Variants in NHLRC2 observed in about 807,000 individuals in gnomAD.
The protein encoded by NHLRC2 is NHL repeat-containing protein 2.
In NHLRC2, 33 loss-of-function variants were observed where a neutral mutation model predicts 68.1. That is an observed-to-expected ratio of 0.48 (90% CI 0.37 to 0.65). NHLRC2 has a LOEUF of 0.65. NHLRC2 is among the 30% of genes least tolerant of loss of function. NHLRC2 has a pLI of 0.00. For synonymous variants in NHLRC2, 311 were observed against 309.6 expected (o/e 1.00, Z -0.05); for missense variants, 761 against 853.8 (o/e 0.89, Z 1.35).
In NHLRC2 at chr10:113,906,982, G is replaced by A. The variant is rs552860332; in HGVS notation, c.1925-1298G>A. On this transcript the variant is annotated intron_variant, in intron 10 of 10. Coordinates refer to ENST00000369301, the MANE Select transcript of NHLRC2 (RefSeq NM_198514.4). ...AGCCTGGGTGACAGAGCGAGACTCC[G>A]TCTCAAAAAATAATAAATAAAATAT... 4.9e-4 allele frequency among the ~76,000 whole-genome samples: 74 copies of A among 152,232 alleles called. 1 individual carries two copies. The highest frequency in any genetic ancestry group is 2.1e-4 in the South Asian group (1 of 4,826).
intron 2 of NHLRC2, among the ~76,000 whole-genome samples, chr10:113,873,919 T>A (rs1051816489): frequency 6.6e-6 from 1 of 152,200 alleles, no homozygotes; most frequent in Admixed American, 6.5e-5. Context: ...TCTTTCTGAT[T>A]CACATTTTCT....
chr10:113,878,754 C>G (rs1176961040), intron 3 of NHLRC2, among the ~76,000 whole-genome samples: 3 of 152,128 alleles, frequency 2.0e-5, no homozygotes, highest in Non-Finnish European at 4.4e-5. Flanking sequence ...GTCTTGAACC[C>G]TTGACCTCAA....
intron 6 of NHLRC2, among the ~76,000 whole-genome samples, chr10:113,898,549 C>T (rs563563470): frequency 1.3e-5 from 2 of 152,314 alleles, no homozygotes; most frequent in South Asian, 2.1e-4. Context: ...CTTCTACTTA[C>T]ATTTTATCAG....
chr10:113,880,513 G>A (rs1301234932), intron 4 of NHLRC2, among the ~76,000 whole-genome samples: 7 of 151,798 alleles, frequency 4.6e-5, no homozygotes, highest in African/African-American at 1.7e-4. Context: ...AAGTAACCAA[G>A]TTCATCATAC....
At chr10:113,904,701 C>T (rs74877412) in intron 9 of NHLRC2, 116 bp from the exon 10 acceptor site, 196 of 722,084 alleles carry the variant, frequency 2.7e-4, no homozygotes, top group African/African-American at 2.5e-3. Flanking sequence ...ACTAGAATGG[C>T]GATTAGTTTC....
chr10:113,865,316 C>T (rs1000616707), intron 2 of NHLRC2, among the ~76,000 whole-genome samples: 6 of 131,440 alleles, frequency 4.6e-5, no homozygotes, highest in African/African-American at 1.7e-4. Flanking sequence ...TATAATAGAG[C>T]TGGTTTATTA....
intron 2 of NHLRC2, among the ~76,000 whole-genome samples, chr10:113,866,878 A>G (rs1204314582): frequency 6.6e-6 from 1 of 151,918 alleles, no homozygotes; most frequent in East Asian, 1.9e-4. Flanking sequence ...GAAAAGATGC[A>G]TGGGGCTGAG....
At chr10:113,864,768 G>C (rs1341799695) in intron 2 of NHLRC2, among the ~76,000 whole-genome samples, 1 of 151,640 alleles carries the variant, frequency 6.6e-6, no homozygotes, top group Non-Finnish European at 1.5e-5. Flanking sequence ...ACCTTACAAG[G>C]TCAGAATTGT....
intron 5 of NHLRC2, among the ~76,000 whole-genome samples, chr10:113,895,471 G>T (rs1195697010): frequency 6.6e-6 from 1 of 152,156 alleles, no homozygotes; most frequent in East Asian, 1.9e-4. Flanking sequence ...AATGATGGGT[G>T]TGTGGTATTA....
Position 113,867,215 on chromosome 10 carries a change from A to T in NHLRC2, c.331+8535A>T, listed in dbSNP as rs189926664. ...CCCGAAATCTAAGCTCCCAGAAGCC[A>T]GGCAAGAGCCAATCTTGTTTGCACA... On this transcript the variant is annotated intron_variant, in intron 2 of 10. Coordinates refer to ENST00000369301, the MANE Select transcript of NHLRC2 (RefSeq NM_198514.4). Among the ~76,000 whole-genome samples the T allele has an allele frequency of 5.9e-5, 9 of 152,404 alleles. No homozygotes were observed. In the East Asian group the frequency reaches 1.7e-3, roughly 29 times the overall value.
intron 2 of NHLRC2, among the ~76,000 whole-genome samples, chr10:113,863,737 G>GA (rs1845837152): frequency 6.6e-6 from 1 of 151,952 alleles, no homozygotes; most frequent in Admixed American, 6.6e-5. Context: ...GCTAGACTAA[G>GA]AAAAAAGAAG....
intron 5 of NHLRC2, among the ~76,000 whole-genome samples, chr10:113,886,965 C>T (rs1294087257): frequency 6.6e-6 from 1 of 152,108 alleles, no homozygotes; most frequent in Admixed American, 6.6e-5. Flanking sequence ...TATCTGCAAA[C>T]CATATAACCA....
chr10:113,874,515 AGTTT>A (rs1036455237), intron 2 of NHLRC2, among the ~76,000 whole-genome samples: 23 of 140,138 alleles, frequency 1.6e-4, no homozygotes, highest in Admixed American at 8.0e-4. Flanking sequence ...GATTTTCAGC[AGTTT>A]GTTTATGATG....
Position 113,910,904 on chromosome 10 carries a change from A to G in NHLRC2, c.*2368A>G, listed in dbSNP as rs1846322552. ...TAAAAGTATTATTTATAGTAGACTAATATGATTTTGAATAAAATCACACTT... is the reference window on the plus strand; with the variant it reads ...TAAAAGTATTATTTATAGTAGACTAGTATGATTTTGAATAAAATCACACTT... On this transcript the variant is annotated 3_prime_UTR_variant, in exon 11 of 11. Transcript: ENST00000369301. 2 of 150,204 alleles carry G rather than the reference A, an allele frequency of 1.3e-5. No individual in the cohort carries two copies. Among genetic ancestry groups the G allele is most frequent in the South Asian group, 4.1e-4 (2 of 4,830 alleles). The allele number at this position is 150,204 out of a possible 1,614,324, so 9.3% of individuals were successfully genotyped here.
At chr10:113,904,558 C>T (rs1423094141) in intron 9 of NHLRC2, among the ~76,000 whole-genome samples, 1 of 151,988 alleles carries the variant, frequency 6.6e-6, no homozygotes, top group Non-Finnish European at 1.5e-5. Context: ...AATTTCCTGC[C>T]GTCTATATAC....
At chr10:113,906,059 G>A (rs1564859870) in intron 10 of NHLRC2, among the ~76,000 whole-genome samples, 1 of 152,198 alleles carries the variant, frequency 6.6e-6, no homozygotes, top group Non-Finnish European at 1.5e-5. Context: ...TTCAGAGCAA[G>A]TTCTAGACTG....
intron 10 of NHLRC2, 34 bp downstream of exon 10, chr10:113,905,070 A>T (rs776319885): frequency 2.8e-6 from 3 of 1,057,810 alleles, no homozygotes; most frequent in Non-Finnish European, 4.1e-6. Context: ...CTAATACATC[A>T]TATATTCTTG....
At position 113,905,660 on chromosome 10, in the gene NHLRC2, C is replaced by G. The variant is rs181495011; in HGVS notation, c.1924+624C>G. Among the ~76,000 whole-genome samples the G allele has an allele frequency of 2.7e-3, 415 of 152,224 alleles. 2 individuals carry two copies. The highest frequency in any genetic ancestry group is 9.7e-3 in the African/African-American group (404 of 41,502). ...TTCCTCTGTCCTGGTCTCCCACGCT[C>G]TTTCACACTTTCTCACTCAATTTTC... On this transcript the variant is annotated intron_variant, in intron 10 of 10. Coordinates refer to ENST00000369301, the MANE Select transcript of NHLRC2 (RefSeq NM_198514.4).
rs556733167 is a variant in NHLRC2, at chr10:113,899,897, C to T, written c.1139+1688C>T. Among the ~76,000 whole-genome samples the T allele has an allele frequency of 5.9e-5, 9 of 151,400 alleles. No homozygotes were observed. In the South Asian group the frequency reaches 1.0e-3, roughly 17 times the overall value. On this transcript the variant is annotated intron_variant, in intron 6 of 10. Transcript: ENST00000369301. ...TTGTGCCACTGCACTCCAGCCAGGA[C>T]GACAGAGTGAGACTCCGTTTAAAAA...
Sources: allele counts gnomAD v4.1 joint callset (sites outside exome capture counted in the v4.1 genomes callset), GRCh38; gene constraint gnomAD v4.1.1; transcripts MANE v1.5; gene names NCBI Gene and HGNC (gene_info 2026-07-23, HGNC 2026-07-21).